Variants in CDH18 observed in about 807,000 individuals in gnomAD.
CDH18 encodes the protein cadherin 18, also known as cadherin-18.
In CDH18, 31 loss-of-function variants were observed where a neutral mutation model predicts 67.9. The observed-to-expected ratio is 0.46, with a 90% CI of 0.34 to 0.62. The LOEUF (loss-of-function observed/expected upper bound fraction) is 0.62. Among genes scored for constraint, CDH18 ranks in the 20% least tolerant of loss-of-function variants. CDH18 has a pLI of 0.01. For synonymous variants in CDH18, 362 were observed against 347.2 expected, an observed-to-expected ratio of 1.04 and a Z score of -0.48; for missense variants, 890 against 975.5, an observed-to-expected ratio of 0.91 and a Z score of 1.17.
intron 2 of CDH18, among the ~76,000 whole-genome samples, chr5:20,134,381 C>G (rs1000015203): frequency 3.9e-5 from 6 of 152,078 alleles, no homozygotes; most frequent in African/African-American, 1.4e-4. Context: ...ATCAACAACC[C>G]TGATTATTTT....
chr5:20,453,901 C>T (rs1750654090), intron 1 of CDH18, among the ~76,000 whole-genome samples: 3 of 152,000 alleles, frequency 2.0e-5, no homozygotes, highest in Non-Finnish European at 1.5e-5. Flanking sequence ...GAAAAAAGCC[C>T]TGTACATGAA....
At chr5:19,488,834 T>G (rs13174400) in intron 11 of CDH18, among the ~76,000 whole-genome samples, 27,659 of 152,152 alleles carry the variant, frequency 0.18, 2,635 homozygotes, top group Admixed American at 0.23. Context: ...GAAGGTTTAT[T>G]TCTTCGTATT....
At chr5:20,099,060 T>G (rs1226689242) in intron 2 of CDH18, among the ~76,000 whole-genome samples, 1 of 152,168 alleles carries the variant, frequency 6.6e-6, no homozygotes, top group East Asian at 1.9e-4. Flanking sequence ...CATCAAATAT[T>G]TAGAGTGAAA....
chr5:19,655,323 T>C (rs1367504578), intron 5 of CDH18, among the ~76,000 whole-genome samples: 1 of 152,086 alleles, frequency 6.6e-6, no homozygotes, highest in Non-Finnish European at 1.5e-5. Flanking sequence ...AATCATCTTT[T>C]AATATCAACC....
intron 5 of CDH18, among the ~76,000 whole-genome samples, chr5:19,719,952 A>AGAAAGAAAGAAG (rs1765852268): frequency 7.1e-6 from 1 of 141,834 alleles, no homozygotes. Context: ...AAAGAAAGAA[A>AGAAAGAAAGAAG]GAAAGAAGGA....
At chr5:19,940,973 C>T (rs945865973) in intron 2 of CDH18, among the ~76,000 whole-genome samples, 2 of 152,044 alleles carry the variant, frequency 1.3e-5, no homozygotes, top group African/African-American at 4.8e-5. Flanking sequence ...TATCCCCATC[C>T]TAAAGGGGGA....
chr5:19,520,722 C>T lies in CDH18; in HGVS notation c.1447G>A (p.Asp483Asn). The T allele has an allele frequency of 6.2e-7, 1 of 1,612,154 alleles. No individual in the cohort carries two copies. The highest frequency in any genetic ancestry group is 8.5e-7 in the Non-Finnish European group (1 of 1,178,432). The part of the protein sequence containing the change: ...TVGIRVLDVN[D>N]NPPELAREYD... ...TCCCTGGCAAGTTCGGGTGGATTGTCATTGACATCCAGAACTCTAATACCC... is the reference window on the plus strand; with the variant it reads ...TCCCTGGCAAGTTCGGGTGGATTGTTATTGACATCCAGAACTCTAATACCC... Residue 483 changes from aspartate (D) to asparagine (N), a missense_variant, in exon 10 of 13, where the codon GAC becomes AAC. By Grantham distance (23) the Asp-to-Asn change is conservative. Coordinates refer to ENST00000382275, the MANE Select transcript of CDH18 (RefSeq NM_004934.5).
intron 1 of CDH18, among the ~76,000 whole-genome samples, chr5:20,362,826 T>C (rs898460685): frequency 1.3e-5 from 2 of 152,150 alleles, no homozygotes; most frequent in African/African-American, 4.8e-5. Flanking sequence ...ACATTCTCCA[T>C]ACAGGATTGG....
chr5:20,007,477 A>G (rs1193137420), intron 2 of CDH18, among the ~76,000 whole-genome samples: 1 of 152,212 alleles, frequency 6.6e-6, no homozygotes, highest in Non-Finnish European at 1.5e-5. Flanking sequence ...TAAAAATACC[A>G]AGAAACTATT....
At chr5:19,733,415 G>A (rs1181734837) in intron 4 of CDH18, among the ~76,000 whole-genome samples, 1 of 152,066 alleles carries the variant, frequency 6.6e-6, no homozygotes, top group East Asian at 1.9e-4. Context: ...TGCAGACTCA[G>A]CCACACAGAG....
intron 1 of CDH18, among the ~76,000 whole-genome samples, chr5:20,352,624 CAAAAAAAAA>C (rs35947411): frequency 4.5e-5 from 4 of 89,140 alleles, no homozygotes; most frequent in Non-Finnish European, 9.5e-5. Flanking sequence ...ACTAAAAATA[CAAAAAAAAA>C]AAAAAAAAAA....
intron 5 of CDH18, among the ~76,000 whole-genome samples, chr5:19,620,173 C>T (rs907571868): frequency 2.0e-5 from 3 of 152,068 alleles, no homozygotes; most frequent in African/African-American, 7.2e-5. Flanking sequence ...TTTTCTCTTC[C>T]TACCATGAAA....
At chr5:19,770,683 A>G (rs1214456412) in intron 3 of CDH18, among the ~76,000 whole-genome samples, 5 of 152,172 alleles carry the variant, frequency 3.3e-5, no homozygotes, top group Non-Finnish European at 7.4e-5. Flanking sequence ...GAGTGTAGTC[A>G]TGAAAATTAT....
rs539542575 is a variant in CDH18 at position 20,079,729 on chromosome 5, A to T, written c.-517-87715T>A. 1.4e-3 allele frequency among the ~76,000 whole-genome samples: 219 copies of T among 152,290 alleles called. 1 individual carries two copies. The highest frequency in any genetic ancestry group is 2.5e-3 in the Non-Finnish European group (169 of 68,028). ...AGTGGTCAAGAGTACTATCTCAGTC[A>T]GTTTGGACTGCTATAATAAGTTACC... On this transcript the variant is annotated intron_variant, in intron 2 of 14. Transcript: ENST00000507958.
At chr5:20,398,218 A>G (rs1338019973) in intron 1 of CDH18, among the ~76,000 whole-genome samples, 1 of 152,220 alleles carries the variant, frequency 6.6e-6, no homozygotes, top group Non-Finnish European at 1.5e-5. Flanking sequence ...TATGTTTTCT[A>G]AAATGTTACT....
intron 2 of CDH18, among the ~76,000 whole-genome samples, chr5:19,865,396 C>G (rs1785378831): frequency 6.6e-6 from 1 of 152,064 alleles, no homozygotes; most frequent in Admixed American, 6.6e-5. Context: ...TTAAAAAAAA[C>G]CTCAATCTCT....
At chr5:20,069,029 AG>A in intron 2 of CDH18, among the ~76,000 whole-genome samples, 1 of 152,256 alleles carries the variant, frequency 6.6e-6, no homozygotes, top group Non-Finnish European at 1.5e-5. Context: ...GAAGCTTATG[AG>A]CCAGTGAATG....
chr5:20,533,566 A>G (rs912402630), intron 1 of CDH18, among the ~76,000 whole-genome samples: 1 of 152,110 alleles, frequency 6.6e-6, no homozygotes, highest in Non-Finnish European at 1.5e-5. Flanking sequence ...TAGAAGGAAT[A>G]AAGTTGTTAC....
chr5:19,670,069 G>A (rs1275908585), intron 5 of CDH18, among the ~76,000 whole-genome samples: 4 of 152,034 alleles, frequency 2.6e-5, no homozygotes, highest in Non-Finnish European at 5.9e-5. Context: ...GAATGAGTGG[G>A]AATGAACTAG....
Sources: allele counts gnomAD v4.1 joint callset (sites outside exome capture counted in the v4.1 genomes callset), GRCh38; gene constraint gnomAD v4.1.1; transcripts MANE v1.5; gene names NCBI Gene and HGNC (gene_info 2026-07-23, HGNC 2026-07-21).